The following BRAF variants were observed in gnomAD, a reference collection of about 807,000 sequenced individuals.
BRAF encodes the protein serine/threonine-protein kinase B-raf.
A neutral mutation model predicts 104.6 loss-of-function variants in BRAF; 16 were observed. The observed-to-expected ratio is 0.15, with a 90% CI of 0.10 to 0.23. BRAF has a LOEUF of 0.23. Among genes scored for constraint, BRAF ranks in the 10% least tolerant of loss-of-function variants. The probability of loss-of-function intolerance (pLI) is 1.00; values close to 1 mark genes in which losing one functional copy is unlikely to be tolerated. For missense variants in BRAF, 541 were observed against 937.3 expected, an observed-to-expected ratio of 0.58 and a Z score of 5.52; for synonymous variants, 310 against 341.6, an observed-to-expected ratio of 0.91 and a Z score of 1.02.
intron 1 of BRAF, among the ~76,000 whole-genome samples, chr7:140,894,100 C>T (rs777841085): frequency 4.6e-5 from 7 of 152,060 alleles, no homozygotes; most frequent in Non-Finnish European, 1.0e-4. Flanking sequence ...CAACACTGCA[C>T]TCCAGCCTGA....
intron 1 of BRAF, among the ~76,000 whole-genome samples, chr7:140,862,211 A>C (rs1011893033): frequency 6.6e-5 from 10 of 152,224 alleles, no homozygotes; most frequent in Non-Finnish European, 1.3e-4. Context: ...GAGAAAACTG[A>C]AATATTATTA....
At chr7:140,744,122 G>A (rs1208142350) in intron 17 of BRAF, among the ~76,000 whole-genome samples, 2 of 152,192 alleles carry the variant, frequency 1.3e-5, no homozygotes. Flanking sequence ...TGGGGGCCAT[G>A]GGCCATGCCA....
At chr7:140,732,918 C>T (rs1796094039) in intron 19 of BRAF, 2 of 152,146 alleles carry the variant, frequency 1.3e-5, no homozygotes, top group African/African-American at 4.8e-5. Flanking sequence ...ATGAATAAAA[C>T]CCTATCTAAC....
At chr7:140,829,589 C>T (rs1451966034) in intron 3 of BRAF, among the ~76,000 whole-genome samples, 1 of 152,006 alleles carries the variant, frequency 6.6e-6, no homozygotes, top group African/African-American at 2.4e-5. Flanking sequence ...CCCAAAGTGT[C>T]TTACTTTTAA....
At chr7:140,854,110 C>T (rs1340588226) in intron 1 of BRAF, among the ~76,000 whole-genome samples, 1 of 152,170 alleles carries the variant, frequency 6.6e-6, no homozygotes, top group Non-Finnish European at 1.5e-5. Flanking sequence ...GTTGGGACTA[C>T]AGGCACGCAG....
At chr7:140,815,617 G>A (rs1041158402) in intron 3 of BRAF, among the ~76,000 whole-genome samples, 3 of 150,218 alleles carry the variant, frequency 2.0e-5, no homozygotes, top group African/African-American at 7.4e-5. Flanking sequence ...TGTATTGTTA[G>A]TAAAGACGGG....
intron 19 of BRAF, chr7:140,732,757 G>A (rs1001747179): frequency 6.6e-6 from 1 of 152,198 alleles, no homozygotes; most frequent in African/African-American, 2.4e-5. Flanking sequence ...ATAACTGTGA[G>A]GCAGGTATGC....
downstream of BRAF, among the ~76,000 whole-genome samples, chr7:140,717,283 G>T (rs1053458277): frequency 9.4e-5 from 14 of 148,796 alleles, no homozygotes; most frequent in Non-Finnish European, 1.9e-4. Flanking sequence ...AGTTGGACCA[G>T]TTTTTTTTTT....
Position 140,924,205 on chromosome 7 carries a change from G to A in BRAF, c.138+361C>T, listed in dbSNP as rs1296606948. ...ACTAACCTATATCCTCCACGTCGAG[G>A]CCGCCGCCGCCCCCACCCCACAGAG... On this transcript the variant is annotated intron_variant, in intron 1 of 19. Transcript: ENST00000644969. The surrounding 1 kb of genome is among the most constrained non-coding windows in gnomAD (Gnocchi z 4.2). Among the ~76,000 whole-genome samples the A allele has an allele frequency of 2.0e-5, 3 of 152,078 alleles. No homozygotes were observed. Among genetic ancestry groups the A allele is most frequent in the Admixed American group, 1.3e-4 (2 of 15,274 alleles).
chr7:140,801,010 G>A (rs915787305), intron 6 of BRAF: 3 of 210,272 alleles, frequency 1.4e-5, no homozygotes, highest in African/African-American at 4.8e-5. Flanking sequence ...AGCTGAATGG[G>A]GATGAAGGAG....
At chr7:140,768,786 C>T (rs558825986) in intron 14 of BRAF, among the ~76,000 whole-genome samples, 1 of 152,178 alleles carries the variant, frequency 6.6e-6, no homozygotes, top group African/African-American at 2.4e-5. Context: ...CATGAGCCAC[C>T]ACACCTGGCC....
chr7:140,794,386 T>C lies in BRAF; in HGVS notation c.1062A>G (p.Arg354=). 2 of 1,614,150 alleles carry C rather than the reference T, an allele frequency of 1.2e-6. No individual in the cohort carries two copies. Among genetic ancestry groups the C allele is most frequent in the Non-Finnish European group, 1.7e-6 (2 of 1,180,022 alleles). Residue 354 remains arginine (R), a synonymous_variant, in exon 8 of 20, where the codon CGA becomes CGG. Transcript: ENST00000644969. ...ATCGGTCTCGTTGCCCAAATTGATT[T>C]CGATGATCTTCATCTGCTGGTCGGA... ...QPFRPADEDH[R]NQFGQRDRSS...
At chr7:140,796,348 TAAA>T (rs35137743) in intron 7 of BRAF, among the ~76,000 whole-genome samples, 1 of 127,178 alleles carries the variant, frequency 7.9e-6, no homozygotes. Context: ...GACTCCATCT[TAAA>T]AAAAAAAAAA....
At chr7:140,758,473 G>A (rs188317013) in intron 14 of BRAF, among the ~76,000 whole-genome samples, 2 of 150,736 alleles carry the variant, frequency 1.3e-5, no homozygotes, top group Admixed American at 1.3e-4. Context: ...TTTTTTTTTG[G>A]AGACAGGGTG....
Position 140,721,611 on chromosome 7 carries a change from AATC to A in BRAF, c.*4880_*4882del. On this transcript the variant is annotated 3_prime_UTR_variant, in exon 20 of 20. Coordinates refer to ENST00000644969, the MANE Select transcript of BRAF (RefSeq NM_001374258.1). ...TCCGCTCTCCTCTGGCCAAGCTACA[AATC>A]ATCACCTGAGGCAGAGATGCTACTA... 1 of 1,535,472 alleles carries A rather than the reference AATC, an allele frequency of 6.5e-7. No individual in the cohort carries two copies. Among genetic ancestry groups the A allele is most frequent in the Non-Finnish European group, 8.7e-7 (1 of 1,146,520 alleles).
rs140100433 is a variant in BRAF, at chr7:140,878,372, G to C, written c.139-28160C>G. ...CCTTGGATTTAGCAATGGATTCTTA[G>C]ATATGACACCAAAAGTACGAGCAAC... is the stretch of plus-strand genomic sequence containing the variant. On this transcript the variant is annotated intron_variant, in intron 1 of 19. Transcript: ENST00000644969. Among the ~76,000 whole-genome samples the C allele has an allele frequency of 3.2e-3, 494 of 152,120 alleles. 3 individuals carry two copies. The highest frequency in any genetic ancestry group is 0.011 in the African/African-American group (472 of 41,492).
chr7:140,776,983 G>T lies in BRAF; in HGVS notation c.1743C>A (p.Leu581=), dbSNP rs1477107915. Residue 581 remains leucine (L), a synonymous_variant, in exon 14 of 20, where the codon CTC becomes CTA. Transcript: ENST00000644969. The part of the protein sequence containing the change: ...WCEGSSLYHH[L]HIIETKFEMI... Reference sequence around the variant, plus strand: ...TCTCAAATTTGGTCTCAATGATATGGAGATGGTGATACAAGCTGGAGCCCT... The same window carrying T: ...TCTCAAATTTGGTCTCAATGATATGTAGATGGTGATACAAGCTGGAGCCCT... The T allele has an allele frequency of 1.2e-6, 2 of 1,613,760 alleles. No homozygotes were observed. The highest frequency in any genetic ancestry group is 2.2e-5 in the South Asian group (2 of 91,060).
In BRAF at chr7:140,824,575, C is replaced by CT. The variant is rs201179343; in HGVS notation, c.504+10033dup. On this transcript the variant is annotated intron_variant, in intron 3 of 19. Transcript: ENST00000644969. ...GAAGCATGATGCCCCCAACTCTGTA[C>CT]TTTTTTTGACTGCTTTGGCTATACG... Among the ~76,000 whole-genome samples the CT allele has an allele frequency of 7.7e-3, 1,165 of 151,082 alleles. 19 individuals carry two copies. Among genetic ancestry groups the CT allele is most frequent in the African/African-American group, 0.027 (1,102 of 41,104 alleles).
chr7:140,715,206 G>A (rs145645780), downstream of BRAF, among the ~76,000 whole-genome samples: 151 of 152,254 alleles, frequency 9.9e-4, no homozygotes, highest in African/African-American at 3.4e-3. Flanking sequence ...CAGGCACCAT[G>A]GCAGGAAAAG....
Sources: allele counts gnomAD v4.1 joint callset (sites outside exome capture counted in the v4.1 genomes callset), GRCh38; gene constraint gnomAD v4.1.1; non-coding constraint Gnocchi (gnomAD v3.1); transcripts MANE v1.5; gene names NCBI Gene and HGNC (gene_info 2026-07-23, HGNC 2026-07-21).